Variants in PDE9A observed in about 807,000 individuals in gnomAD.
PDE9A encodes the protein phosphodiesterase 9A, also known as high affinity cGMP-specific 3',5'-cyclic phosphodiesterase 9A.
In PDE9A, 60 loss-of-function variants were observed where a neutral mutation model predicts 87.4. The ratio of observed to expected loss-of-function variants is 0.69; its 90% CI spans 0.56 to 0.85. The LOEUF is 0.85. Ranked by LOEUF, PDE9A falls within the 40% of genes least tolerant of loss-of-function variation. PDE9A has a pLI of 0.00. For synonymous variants in PDE9A, 272 were observed against 279.4 expected (o/e 0.97, Z 0.27); for missense variants, 665 against 779.0 (o/e 0.85, Z 1.74).
intron 1 of PDE9A, among the ~76,000 whole-genome samples, chr21:42,674,482 G>C (rs536495554): frequency 9.1e-4 from 138 of 152,150 alleles, no homozygotes; most frequent in Non-Finnish European, 1.5e-3. Context: ...TGGAAGAACA[G>C]GGTGGGGGCT....
Position 42,760,556 on chromosome 21 carries a change from C to A in PDE9A, c.1002+124C>A. 1 of 665,300 alleles carries A rather than the reference C, an allele frequency of 1.5e-6. No homozygotes were observed. Among genetic ancestry groups the A allele is most frequent in the Non-Finnish European group, 2.7e-6 (1 of 377,302 alleles). 41.2% of individuals were successfully genotyped at this position (665,300 alleles called of 1,614,324 possible). A position where few individuals can be genotyped will look rare whatever the true frequency, so the allele number is the denominator to read the frequency against. On this transcript the variant is annotated intron_variant, in intron 12 of 19. Transcript: ENST00000291539. This position sits in a 1 kb window ranked among gnomAD's most constrained non-coding sequence, Gnocchi z 5.2. The stretch of plus-strand genomic sequence containing the variant: ...AGGCGTGGGGTCCCCAGCCGCTCCG[C>A]CCCTCCTAGGGACGCACCCCTGCCC...
intron 4 of PDE9A, among the ~76,000 whole-genome samples, chr21:42,716,976 T>G (rs1297149637): frequency 6.6e-6 from 1 of 151,382 alleles, no homozygotes; most frequent in African/African-American, 2.4e-5. Context: ...GGTCTCGAAC[T>G]CCTGACCTCA....
Position 42,692,404 on chromosome 21 carries a change from C to T in PDE9A, c.218+4410C>T, listed in dbSNP as rs1312215045. Among the ~76,000 whole-genome samples the T allele has an allele frequency of 2.0e-5, 3 of 152,184 alleles. No homozygotes were observed. On this transcript the variant is annotated intron_variant, in intron 3 of 19. Coordinates refer to ENST00000291539, the MANE Select transcript of PDE9A (RefSeq NM_002606.3). This position sits in a 1 kb window ranked among gnomAD's most constrained non-coding sequence, Gnocchi z 4.3. ...GGCCCACAACAATGACACACGTGGCCGGAGACATCAGCGGTGCTGAGGCGG... is the reference window on the plus strand; with the variant it reads ...GGCCCACAACAATGACACACGTGGCTGGAGACATCAGCGGTGCTGAGGCGG...
chr21:42,751,115 G>A lies in PDE9A; in HGVS notation c.654-1G>A. 2 of 1,601,016 alleles carry A rather than the reference G, an allele frequency of 1.2e-6. No homozygotes were observed. The highest frequency in any genetic ancestry group is 1.7e-6 in the Non-Finnish European group (2 of 1,168,004). ...AGCTCATCTCTGCTCCTTCTCTCTA[G>A]GACCAACTGCCCCTGTAAGTACAGT... On this transcript the variant is annotated splice_acceptor_variant, in intron 8 of 19. Transcript: ENST00000291539. LOFTEE classifies it high-confidence loss of function.
intron 1 of PDE9A, among the ~76,000 whole-genome samples, chr21:42,672,903 A>T (rs570331468): frequency 6.6e-6 from 1 of 152,284 alleles, no homozygotes; most frequent in South Asian, 2.1e-4. Flanking sequence ...CTTTTGTCCC[A>T]TACTCTATTG....
intron 1 of PDE9A, among the ~76,000 whole-genome samples, chr21:42,658,534 C>T (rs371132227): frequency 2.8e-4 from 42 of 152,336 alleles, no homozygotes; most frequent in African/African-American, 9.4e-4. Flanking sequence ...TGGTCAAATG[C>T]AAACCTCCTT....
chr21:42,713,190 A>C (rs2049504577), intron 4 of PDE9A, among the ~76,000 whole-genome samples: 1 of 152,218 alleles, frequency 6.6e-6, no homozygotes, highest in Non-Finnish European at 1.5e-5. Flanking sequence ...GCTGGAGTGC[A>C]GTGCTGCCAT....
chr21:42,684,965 G>C (rs185796641), intron 1 of PDE9A, among the ~76,000 whole-genome samples: 2 of 145,356 alleles, frequency 1.4e-5, no homozygotes, highest in Admixed American at 6.8e-5. Flanking sequence ...AAAGAAAAAA[G>C]AAAACTAATC....
chr21:42,678,013 C>G (rs926254531), intron 1 of PDE9A, among the ~76,000 whole-genome samples: 1 of 152,256 alleles, frequency 6.6e-6, no homozygotes, highest in Non-Finnish European at 1.5e-5. Context: ...AAGAAACCCA[C>G]AATTTCCAGT....
At position 42,768,248 on chromosome 21, in the gene PDE9A, G is replaced by A. The variant is rs770342154; in HGVS notation, c.1417G>A (p.Ala473Thr). 3 of 1,609,018 alleles carry A rather than the reference G, an allele frequency of 1.9e-6. No individual in the cohort carries two copies. The highest frequency in any genetic ancestry group is 2.2e-5 in the South Asian group (2 of 90,988). ...TAACGAGGTCCGTCCAATGGAAGTC[G>A]CAGAGCCTTGGGTGGACTGTTTATT... ...ISNEVRPMEVAEPWVDCLLEE... is the reference protein window; with the variant it reads ...ISNEVRPMEVTEPWVDCLLEE... Residue 473 changes from alanine (A) to threonine (T), a missense_variant, in exon 16 of 20, where the codon GCA becomes ACA. Transcript: ENST00000291539.
At chr21:42,764,117 G>A (rs1048266214) in intron 14 of PDE9A, among the ~76,000 whole-genome samples, 1 of 152,250 alleles carries the variant, frequency 6.6e-6, no homozygotes, top group Non-Finnish European at 1.5e-5. Context: ...ACAGATGGGT[G>A]TGCATGGTGA....
At chr21:42,658,038 G>A (rs1325968281) in intron 1 of PDE9A, among the ~76,000 whole-genome samples, 2 of 152,216 alleles carry the variant, frequency 1.3e-5, no homozygotes, top group Non-Finnish European at 2.9e-5. Flanking sequence ...TTAATAGTTT[G>A]CCACCCACCG....
Position 42,760,975 on chromosome 21 carries a change from C to T in PDE9A, c.1085+68C>T. ...CTGGCTACTGGAGGGAACCTGTCAGCCCAACCCTCAGAGCAGTTCCCAGAT... is the reference window on the plus strand; with the variant it reads ...CTGGCTACTGGAGGGAACCTGTCAGTCCAACCCTCAGAGCAGTTCCCAGAT... On this transcript the variant is annotated intron_variant, in intron 13 of 19. Transcript: ENST00000291539. The surrounding 1 kb of genome is among the most constrained non-coding windows in gnomAD (Gnocchi z 5.2). 2.9e-6 allele frequency: 3 copies of T among 1,023,682 alleles called. No individual in the cohort carries two copies. Among genetic ancestry groups the T allele is most frequent in the Non-Finnish European group, 4.6e-6 (3 of 646,154 alleles). 63.4% of individuals were successfully genotyped at this position (1,023,682 alleles called of 1,614,324 possible).
rs757717632 is a variant in PDE9A, at chr21:42,731,775, G to A, written c.268G>A (p.Val90Ile). 8.7e-6 allele frequency: 14 copies of A among 1,611,924 alleles called. No individual in the cohort carries two copies. Among genetic ancestry groups the A allele is most frequent in the Non-Finnish European group, 1.1e-5 (13 of 1,179,230 alleles). Residue 90 changes from valine to isoleucine, a missense_variant, in exon 5 of 20, where the codon GTC becomes ATC. Physicochemically the swap from Val to Ile is conservative, Grantham distance 29 (BLOSUM62 3). Transcript: ENST00000291539. ...GTCCTGCCTGCTTTTTATAGCTGGT[G>A]TCGAGGACAAGAGAACCACAAGCCG... Reference protein sequence around the residue: ...PVAIKQLSAGVEDKRTTSRGQ... With the variant: ...PVAIKQLSAGIEDKRTTSRGQ...
chr21:42,768,446 C>A, intron 16 of PDE9A, 154 bp downstream of exon 16: 2 of 1,099,134 alleles, frequency 1.8e-6, no homozygotes, highest in Non-Finnish European at 2.5e-6. Flanking sequence ...AAGCGTACAT[C>A]AGAAACAAAA....
rs938735241 is a variant in PDE9A, at chr21:42,770,646, C to T, written c.1591-57C>T. On this transcript the variant is annotated intron_variant, in intron 17 of 19. Coordinates refer to ENST00000291539, the MANE Select transcript of PDE9A (RefSeq NM_002606.3). The stretch of plus-strand genomic sequence containing the variant: ...GCACCTGACACCTGTTTTTCTCCGA[C>T]GTTTCCCATTGCCTTAAGAACGAGG... 15 of 1,369,094 alleles carry T rather than the reference C, an allele frequency of 1.1e-5. No individual in the cohort carries two copies. The African/African-American group carries it at 1.4e-4, about 13-fold the overall frequency. 84.8% of individuals were successfully genotyped at this position (1,369,094 alleles called of 1,614,324 possible). A position where few individuals can be genotyped will look rare whatever the true frequency, so the allele number is the denominator to read the frequency against.
Position 42,759,267 on chromosome 21 carries a change from A to G in PDE9A, c.897+182A>G, listed in dbSNP as rs932652622. ...GCCTGTCTCTGTTCCTCCTTCCACC[A>G]AAACCTTCTTTACGCCCGAGCTACT... On this transcript the variant is annotated intron_variant, in intron 11 of 19. Transcript: ENST00000291539. This position sits in a 1 kb window ranked among gnomAD's most constrained non-coding sequence, Gnocchi z 7.2. Among the ~76,000 whole-genome samples the G allele has an allele frequency of 6.6e-6, 1 of 152,130 alleles. No homozygotes were observed. The highest frequency in any genetic ancestry group is 2.4e-5 in the African/African-American group (1 of 41,418).
intron 1 of PDE9A, among the ~76,000 whole-genome samples, chr21:42,671,498 T>A (rs1392292157): frequency 1.3e-5 from 2 of 152,226 alleles, no homozygotes; most frequent in Non-Finnish European, 2.9e-5. Context: ...CTGTAATCCA[T>A]TCTGAGTGTG....
chr21:42,713,157 G>A (rs1343332034), intron 4 of PDE9A, among the ~76,000 whole-genome samples: 1 of 139,332 alleles, frequency 7.2e-6, no homozygotes, highest in Non-Finnish European at 1.6e-5. Context: ...TTTGTTTTGA[G>A]ACAGTGTCGC....
Sources: allele counts gnomAD v4.1 joint callset (sites outside exome capture counted in the v4.1 genomes callset), GRCh38; gene constraint gnomAD v4.1.1; non-coding constraint Gnocchi (gnomAD v3.1); transcripts MANE v1.5; gene names NCBI Gene and HGNC (gene_info 2026-07-23, HGNC 2026-07-21).